Variants in RBFOX1 observed in about 807,000 individuals in gnomAD.
RBFOX1 encodes RNA binding fox-1 homolog 1.
RBFOX1 carries 8 observed loss-of-function variants against 57.7 expected under a neutral mutation model. The ratio of observed to expected loss-of-function variants is 0.14; its 90% confidence interval spans 0.08 to 0.25. The LOEUF is 0.25. Among genes scored for constraint, RBFOX1 ranks in the 10% least tolerant of loss-of-function variants. The probability of loss-of-function intolerance (pLI) is 1.00; values close to 1 mark genes in which losing one functional copy is unlikely to be tolerated. For missense variants in RBFOX1, 611 were observed against 548.5 expected (o/e 1.11, Z -1.14); for synonymous variants, 326 against 222.4 (o/e 1.47, Z -4.15).
At chr16:6,157,336 C>T (rs1266675539) in intron 1 of RBFOX1, among the ~76,000 whole-genome samples, 3 of 152,040 alleles carry the variant, frequency 2.0e-5, no homozygotes, top group Non-Finnish European at 1.5e-5. Context: ...TTGCCAGATA[C>T]AACACAGGAT....
At chr16:5,546,527 C>G (rs61670998) in intron 2 of RBFOX1, among the ~76,000 whole-genome samples, 9,807 of 152,226 alleles carry the variant, frequency 0.064, 333 homozygotes, top group East Asian at 0.1. Context: ...ATCTTTTCAA[C>G]AAATGGTGTT....
At chr16:7,411,643 C>T (rs951136812) in intron 4 of RBFOX1, among the ~76,000 whole-genome samples, 1 of 152,188 alleles carries the variant, frequency 6.6e-6, no homozygotes, top group Non-Finnish European at 1.5e-5. Context: ...GTGGCTCACA[C>T]CTGTAATCCC....
intron 2 of RBFOX1, among the ~76,000 whole-genome samples, chr16:6,518,018 T>C (rs557755811): frequency 6.6e-6 from 1 of 152,320 alleles, no homozygotes; most frequent in African/African-American, 2.4e-5. Flanking sequence ...TGATGCCTCA[T>C]TGACTCTGAA....
At chr16:6,243,787 G>T (rs1010493729) in intron 1 of RBFOX1, among the ~76,000 whole-genome samples, 1 of 152,144 alleles carries the variant, frequency 6.6e-6, no homozygotes, top group African/African-American at 2.4e-5. Flanking sequence ...GAGTTGTGAT[G>T]GTGGGAACTT....
chr16:6,706,384 GGT>G, intron 3 of RBFOX1, among the ~76,000 whole-genome samples: 1 of 152,324 alleles, frequency 6.6e-6, no homozygotes, highest in Middle Eastern at 3.4e-3. Flanking sequence ...CCAATTAATA[GGT>G]GTCTCTTGGG....
At chr16:6,520,150 C>G (rs1251031055) in intron 2 of RBFOX1, among the ~76,000 whole-genome samples, 1 of 152,166 alleles carries the variant, frequency 6.6e-6, no homozygotes, top group Non-Finnish European at 1.5e-5. Context: ...TCCTTTGCAA[C>G]TTGGAGTATG....
chr16:6,213,336 G>A (rs555591850), intron 1 of RBFOX1, among the ~76,000 whole-genome samples: 1 of 152,016 alleles, frequency 6.6e-6, no homozygotes, highest in East Asian at 1.9e-4. Flanking sequence ...CTTTCTCTTA[G>A]GAAAGGCACC....
chr16:6,487,467 C>T (rs2095510172), intron 2 of RBFOX1, among the ~76,000 whole-genome samples: 1 of 151,330 alleles, frequency 6.6e-6, no homozygotes, highest in African/African-American at 2.4e-5. Context: ...ATATTTGTAA[C>T]ATAATTTTGT....
At chr16:7,318,160 T>G (rs2096480270) in intron 4 of RBFOX1, among the ~76,000 whole-genome samples, 2 of 151,804 alleles carry the variant, frequency 1.3e-5, no homozygotes, top group Non-Finnish European at 2.9e-5. Context: ...GTAATGGTAG[T>G]GACGGTGGTA....
intron 3 of RBFOX1, among the ~76,000 whole-genome samples, chr16:7,018,058 G>C (rs561070626): frequency 1.3e-5 from 2 of 152,160 alleles, no homozygotes; most frequent in South Asian, 2.1e-4. Context: ...GGCGTGGCCA[G>C]CTCCTCCAGC....
At chr16:5,388,618 C>A (rs1000463004) in intron 1 of RBFOX1, among the ~76,000 whole-genome samples, 5 of 151,916 alleles carry the variant, frequency 3.3e-5, no homozygotes, top group African/African-American at 1.2e-4. Context: ...GCTCTGTCAC[C>A]CAGGCTAGAG....
At chr16:6,894,876 A>G (rs2066378229) in intron 3 of RBFOX1, among the ~76,000 whole-genome samples, 1 of 152,174 alleles carries the variant, frequency 6.6e-6, no homozygotes, top group Non-Finnish European at 1.5e-5. Context: ...TCTCAAATGG[A>G]TGTTTCATAA....
At chr16:7,199,093 A>C (rs530122308) in intron 4 of RBFOX1, among the ~76,000 whole-genome samples, 1 of 152,186 alleles carries the variant, frequency 6.6e-6, no homozygotes, top group Non-Finnish European at 1.5e-5. Flanking sequence ...TCCTCCCCAG[A>C]GGAAGAACAC....
chr16:6,528,600 A>G (rs1367768569), intron 2 of RBFOX1, among the ~76,000 whole-genome samples: 1 of 152,208 alleles, frequency 6.6e-6, no homozygotes, highest in Non-Finnish European at 1.5e-5. Flanking sequence ...CAGGATAGAT[A>G]CGATTTTAAA....
rs141460302 is a variant in RBFOX1, at chr16:5,774,552, A to G, written c.319-92751A>G. On this transcript the variant is annotated intron_variant, in intron 3 of 19. Coordinates refer to the RBFOX1 transcript ENST00000641259. ...CCTTCCACATATCCTAGTAAGTAGT[A>G]GTTATCAATAGCTAAACATTTAGTT... 9.2e-5 allele frequency among the ~76,000 whole-genome samples: 14 copies of G among 152,326 alleles called. No homozygotes were observed. In the East Asian group the frequency reaches 2.5e-3, roughly 27 times the overall value.
Position 6,878,667 on chromosome 16 carries a change from C to A in RBFOX1, c.-15-173390C>A, listed in dbSNP as rs2062307320. ...GGTTCGTGTTAGCGTCAGTTTAATT[C>A]AAAGGTAACTCAACAGCAAGAAACA... On this transcript the variant is annotated intron_variant, in intron 3 of 15. Coordinates refer to ENST00000550418, the MANE Select transcript of RBFOX1 (RefSeq NM_018723.4). 2.6e-5 allele frequency among the ~76,000 whole-genome samples: 4 copies of A among 152,206 alleles called. No individual in the cohort carries two copies. In the South Asian group the frequency reaches 8.3e-4, roughly 32 times the overall value.
chr16:5,797,935 A>G (rs558998899), intron 3 of RBFOX1, among the ~76,000 whole-genome samples: 2 of 152,306 alleles, frequency 1.3e-5, no homozygotes, highest in South Asian at 4.1e-4. Context: ...ATGGGACACC[A>G]TAGAAGAGAT....
At chr16:5,848,798 A>C (rs975903018) in intron 3 of RBFOX1, among the ~76,000 whole-genome samples, 3 of 152,102 alleles carry the variant, frequency 2.0e-5, no homozygotes, top group Admixed American at 1.3e-4. Context: ...AAAATACAAA[A>C]ATTAGCTGGG....
At chr16:5,628,804 A>C (rs561302154) in intron 3 of RBFOX1, among the ~76,000 whole-genome samples, 1 of 152,300 alleles carries the variant, frequency 6.6e-6, no homozygotes, top group East Asian at 1.9e-4. Context: ...CTTATGGCTG[A>C]AGGGAGATCT....
Sources: allele counts gnomAD v4.1 joint callset (sites outside exome capture counted in the v4.1 genomes callset), GRCh38; gene constraint gnomAD v4.1.1; transcripts MANE v1.5; gene names NCBI Gene and HGNC (gene_info 2026-07-23, HGNC 2026-07-21).